The following SIPA1L3 variants were observed in gnomAD, a reference collection of about 807,000 sequenced individuals.
SIPA1L3 encodes the protein signal-induced proliferation-associated 1-like protein 3.
In SIPA1L3, 59 loss-of-function variants were observed where a neutral mutation model predicts 150.1. That is an observed-to-expected ratio of 0.39 (90% confidence interval 0.32 to 0.49). The LOEUF (loss-of-function observed/expected upper bound fraction) is 0.49. Ranked by LOEUF, SIPA1L3 falls within the 20% of genes least tolerant of loss-of-function variation. SIPA1L3 has a pLI of 0.86. For missense variants in SIPA1L3, 2,211 were observed against 2,489.5 expected (o/e 0.89, Z 2.38); for synonymous variants, 1,070 against 1,077.6 (o/e 0.99, Z 0.14).
chr19:38,201,792 C>T (rs1973092555), intron 19 of SIPA1L3, 70 bp from the exon 20 acceptor site: 4 of 1,506,980 alleles, frequency 2.7e-6, no homozygotes, highest in Admixed American at 2.1e-5. Flanking sequence ...CAGGGAGAGG[C>T]GTGGTCCGTC....
chr19:37,935,809 A>G (rs1346005017), intron 1 of SIPA1L3, among the ~76,000 whole-genome samples: 1 of 152,110 alleles, frequency 6.6e-6, no homozygotes, highest in African/African-American at 2.4e-5. Context: ...CATCACTTCT[A>G]CTTCATTCTG....
At chr19:38,160,339 A>G (rs1273482539) in intron 13 of SIPA1L3, among the ~76,000 whole-genome samples, 1 of 148,482 alleles carries the variant, frequency 6.7e-6, no homozygotes, top group Non-Finnish European at 1.5e-5. Context: ...TCAGCAAGAT[A>G]CTTGGTCCAG....
At position 38,162,377 on chromosome 19, in the gene SIPA1L3, T is replaced by G; in HGVS notation, c.3780+6T>G. 6.2e-7 allele frequency: 1 copy of G among 1,609,596 alleles called. No individual in the cohort carries two copies. Among genetic ancestry groups the G allele is most frequent in the Non-Finnish European group, 8.5e-7 (1 of 1,176,022 alleles). ...CCCCCAACAGGCATTCCAAAGTGAG[T>G]CTGGGCCCCACCCTGCCCTACCGGG... On this transcript the variant is annotated splice_donor_region_variant and intron_variant, in intron 14 of 21. Transcript: ENST00000222345.
At chr19:37,909,120 T>A (rs974958056) in intron 1 of SIPA1L3, among the ~76,000 whole-genome samples, 4 of 152,182 alleles carry the variant, frequency 2.6e-5, no homozygotes, top group African/African-American at 9.6e-5. Flanking sequence ...CCTTCCCATA[T>A]CCAGTCAACT....
intron 1 of SIPA1L3, among the ~76,000 whole-genome samples, chr19:37,994,748 G>A (rs1255695220): frequency 6.6e-6 from 1 of 152,166 alleles, no homozygotes; most frequent in South Asian, 2.1e-4. Flanking sequence ...TCCCATGCTT[G>A]ATGGCATTGA....
intron 12 of SIPA1L3, among the ~76,000 whole-genome samples, chr19:38,145,817 C>G (rs1166165429): frequency 3.3e-5 from 5 of 151,892 alleles, no homozygotes; most frequent in Non-Finnish European, 7.4e-5. Flanking sequence ...TCTCTTCCCC[C>G]TGTGCCTAAC....
chr19:37,910,930 T>A (rs562161322), intron 1 of SIPA1L3, among the ~76,000 whole-genome samples: 1 of 152,184 alleles, frequency 6.6e-6, no homozygotes, highest in African/African-American at 2.4e-5. Context: ...ATTTTGGTCA[T>A]GACCTTTTGT....
chr19:37,924,697 T>C (rs923191896), intron 1 of SIPA1L3, among the ~76,000 whole-genome samples: 29 of 149,182 alleles, frequency 1.9e-4, no homozygotes, highest in African/African-American at 6.9e-4. Flanking sequence ...AAAAAAAGTA[T>C]ATATACTAAA....
At chr19:37,994,128 C>T (rs1967577802) in intron 1 of SIPA1L3, among the ~76,000 whole-genome samples, 1 of 152,252 alleles carries the variant, frequency 6.6e-6, no homozygotes, top group Middle Eastern at 3.4e-3. Context: ...TATTGAACTT[C>T]TGGCCTCAAG....
At chr19:38,024,061 G>A (rs562593804) in intron 1 of SIPA1L3, among the ~76,000 whole-genome samples, 23 of 152,244 alleles carry the variant, frequency 1.5e-4, no homozygotes, top group Non-Finnish European at 2.4e-4. Context: ...AGGTATGAGC[G>A]GATGATCCTT....
chr19:38,139,528 T>C (rs1971522992), intron 10 of SIPA1L3, among the ~76,000 whole-genome samples: 1 of 152,202 alleles, frequency 6.6e-6, no homozygotes, highest in Non-Finnish European at 1.5e-5. Flanking sequence ...ACGTTCATAT[T>C]GTTATTGTTC....
chr19:37,954,531 T>G (rs915443476), intron 1 of SIPA1L3, among the ~76,000 whole-genome samples: 4 of 152,096 alleles, frequency 2.6e-5, no homozygotes, highest in Non-Finnish European at 5.9e-5. Context: ...CAGATCAGTT[T>G]TAGGAAGAGG....
intron 1 of SIPA1L3, among the ~76,000 whole-genome samples, chr19:37,950,747 G>A (rs148147337): frequency 5.1e-4 from 78 of 152,314 alleles, no homozygotes; most frequent in African/African-American, 1.8e-3. Flanking sequence ...GGTCTGATCC[G>A]CCTGTCCCCA....
rs574529034 is a variant in SIPA1L3, at chr19:37,986,077, T to C, written c.-378-43012T>C. ...GAAAGCAGCCAAGCCAGACTGGGCA[T>C]GCTGCTTGGGGCTGTGGGGGAATTA... is the stretch of plus-strand genomic sequence containing the variant. On this transcript the variant is annotated intron_variant, in intron 1 of 21. Transcript: ENST00000222345. 7.2e-5 allele frequency among the ~76,000 whole-genome samples: 11 copies of C among 152,348 alleles called. No homozygotes were observed. In the South Asian group the frequency reaches 1.2e-3, roughly 17 times the overall value.
In SIPA1L3 at chr19:38,051,384, A is replaced by G. The variant is rs1969194293; in HGVS notation, c.-311+22228A>G. Among the ~76,000 whole-genome samples the G allele has an allele frequency of 2.0e-5, 3 of 152,098 alleles. No individual in the cohort carries two copies. In the South Asian group the frequency reaches 6.2e-4, roughly 31 times the overall value. On this transcript the variant is annotated intron_variant, in intron 2 of 21. Transcript: ENST00000222345. ...TTTCATCTTTTCGTCTTTCTCAAGTAGTGCTGCAGTGGGGAGCCTCGTCCA... is the reference window on the plus strand; with the variant it reads ...TTTCATCTTTTCGTCTTTCTCAAGTGGTGCTGCAGTGGGGAGCCTCGTCCA...
chr19:38,062,880 C>G (rs1260170630), intron 2 of SIPA1L3, among the ~76,000 whole-genome samples: 1 of 152,146 alleles, frequency 6.6e-6, no homozygotes, highest in African/African-American at 2.4e-5. Context: ...CGTGGCCTCC[C>G]AAAGTGCTGG....
chr19:37,911,234 T>C (rs2046374505), intron 1 of SIPA1L3, among the ~76,000 whole-genome samples: 2 of 130,354 alleles, frequency 1.5e-5, no homozygotes, highest in Admixed American at 8.1e-5. Flanking sequence ...ATATTGATTA[T>C]GTTTGTATGT....
At position 38,202,811 on chromosome 19, in the gene SIPA1L3, G is replaced by C. The variant is rs989105904; in HGVS notation, c.5120+814G>C. 2.0e-5 allele frequency among the ~76,000 whole-genome samples: 3 copies of C among 152,152 alleles called. No individual in the cohort carries two copies. The East Asian group carries it at 5.8e-4, about 29-fold the overall frequency. ...GTCTGAGGACCTAGTGGCAACTGAG[G>C]CCAGGCCTGGCCCTCAGGAAGCTTC... On this transcript the variant is annotated intron_variant, in intron 20 of 21. Coordinates refer to ENST00000222345, the MANE Select transcript of SIPA1L3 (RefSeq NM_015073.3).
rs575276549 is a variant in SIPA1L3, at chr19:38,189,880, G to A, written c.4431-2265G>A. Among the ~76,000 whole-genome samples, 13 of 152,278 alleles carry A rather than the reference G, an allele frequency of 8.5e-5. No homozygotes were observed. In the South Asian group the frequency reaches 2.3e-3, roughly 27 times the overall value. ...GTGTGAGTTTTCTAAAAATGGTTTC[G>A]CGCTATACATGCTGCTTTTTTCACA... On this transcript the variant is annotated intron_variant, in intron 16 of 21. Transcript: ENST00000222345.
Sources: allele counts gnomAD v4.1 joint callset (sites outside exome capture counted in the v4.1 genomes callset), GRCh38; gene constraint gnomAD v4.1.1; transcripts MANE v1.5; gene names NCBI Gene and HGNC (gene_info 2026-07-23, HGNC 2026-07-21).